Variants in TENM3 observed in about 807,000 individuals in gnomAD.
TENM3 encodes the protein teneurin-3.
In TENM3, 63 loss-of-function variants were observed where a neutral mutation model predicts 255.1. The observed-to-expected ratio is 0.25, with a 90% CI of 0.20 to 0.30. TENM3 has a LOEUF of 0.30. TENM3 is among the 10% of genes least tolerant of loss of function. The pLI is 1.00. For missense variants in TENM3, 2,929 were observed against 3,461.1 expected (o/e 0.85, Z 3.86); for synonymous variants, 1,306 against 1,322.3 (o/e 0.99, Z 0.27).
the TENM3 span, among the ~76,000 whole-genome samples, chr4:181,527,310 T>A: frequency 6.6e-6 from 1 of 152,232 alleles, no homozygotes; most frequent in Admixed American, 6.5e-5. Flanking sequence ...GAAGACATAA[T>A]GAGCTAAAAA....
chr4:181,664,572 G>A, the TENM3 span, among the ~76,000 whole-genome samples: 9 of 152,050 alleles, frequency 5.9e-5, no homozygotes, highest in Non-Finnish European at 1.2e-4. Flanking sequence ...ACGATAACCC[G>A]ACGTGTTATT....
At chr4:182,430,108 G>A (rs1771508332) in intron 3 of TENM3, among the ~76,000 whole-genome samples, 1 of 152,130 alleles carries the variant, frequency 6.6e-6, no homozygotes, top group Non-Finnish European at 1.5e-5. Context: ...GTTTGTGGTC[G>A]GGAGGATAAC....
chr4:182,743,427 T>C lies in TENM3; in HGVS notation c.3629+8T>C. 6.2e-7 allele frequency: 1 copy of C among 1,609,928 alleles called. No homozygotes were observed. The highest frequency in any genetic ancestry group is 8.5e-7 in the Non-Finnish European group (1 of 1,176,316). ...AAGTGTCTTAGAACTAAGGTACGTC[T>C]TTCCTAAATTTGGGCTTTTAACCAA... is the stretch of plus-strand genomic sequence containing the variant. On this transcript the variant is annotated splice_region_variant and intron_variant, in intron 19 of 27. Transcript: ENST00000511685.
At chr4:182,247,490 C>G (rs902775167) in intron 1 of TENM3, among the ~76,000 whole-genome samples, 9 of 152,168 alleles carry the variant, frequency 5.9e-5, no homozygotes, top group Admixed American at 2.6e-4. Flanking sequence ...CCTCATCCAT[C>G]CAAAAATGGA....
chr4:182,367,398 T>C (rs1362911200), intron 3 of TENM3, among the ~76,000 whole-genome samples: 5 of 152,112 alleles, frequency 3.3e-5, no homozygotes, highest in Non-Finnish European at 4.4e-5. Flanking sequence ...GTGGGTAGTG[T>C]CTGGCCAGTC....
the TENM3 span, among the ~76,000 whole-genome samples, chr4:181,884,768 C>T: frequency 6.6e-6 from 1 of 152,070 alleles, no homozygotes; most frequent in South Asian, 2.1e-4. Context: ...TCTAAAATAA[C>T]ATCTGCCTAT....
intron 1 of TENM3, among the ~76,000 whole-genome samples, chr4:182,279,778 C>A (rs1323664174): frequency 2.6e-5 from 4 of 152,116 alleles, no homozygotes; most frequent in African/African-American, 9.7e-5. Context: ...ATAATTTTTG[C>A]TGTAAACTCA....
At chr4:182,234,680 C>G (rs747723980) in intron 1 of TENM3, among the ~76,000 whole-genome samples, 1 of 151,718 alleles carries the variant, frequency 6.6e-6, no homozygotes, top group Non-Finnish European at 1.5e-5. Context: ...TGCAGTGAGC[C>G]GAGATTGCAC....
chr4:182,747,342 G>A (rs552824657), intron 19 of TENM3, among the ~76,000 whole-genome samples: 3 of 152,214 alleles, frequency 2.0e-5, no homozygotes, highest in Admixed American at 6.5e-5. Context: ...AGAGTGTTCT[G>A]TTATATCAAA....
chr4:182,444,337 A>C (rs942755663), intron 3 of TENM3, among the ~76,000 whole-genome samples: 6 of 152,230 alleles, frequency 3.9e-5, no homozygotes, highest in Non-Finnish European at 8.8e-5. Flanking sequence ...AATTTTATTC[A>C]CAGGATCTAA....
rs1201964018 is a variant in TENM3, at chr4:182,800,636, G to C, written c.*285G>C. 3 of 327,282 alleles carry C rather than the reference G, an allele frequency of 9.2e-6. No homozygotes were observed. Among genetic ancestry groups the C allele is most frequent in the African/African-American group, 4.4e-5 (2 of 45,870 alleles). The allele number at this position is 327,282 out of a possible 1,614,324, so 20.3% of individuals were successfully genotyped here. A position where few individuals can be genotyped will look rare whatever the true frequency, so the allele number is the denominator to read the frequency against. ...AAGGACAAAGGCCTCGACCTGTTGCGCTGGGCCGTCTGTTCCTTCTAGGCA... is the reference window on the plus strand; with the variant it reads ...AAGGACAAAGGCCTCGACCTGTTGCCCTGGGCCGTCTGTTCCTTCTAGGCA... On this transcript the variant is annotated 3_prime_UTR_variant, in exon 28 of 28. Transcript: ENST00000511685.
intron 1 of TENM3, among the ~76,000 whole-genome samples, chr4:182,238,369 C>T (rs979617194): frequency 1.3e-5 from 2 of 152,150 alleles, no homozygotes; most frequent in Admixed American, 1.3e-4. Flanking sequence ...TCTCTCTGAC[C>T]AGAACGTTTT....
intron 12 of TENM3, among the ~76,000 whole-genome samples, chr4:182,700,531 C>G (rs1036453546): frequency 1.3e-5 from 2 of 152,154 alleles, no homozygotes; most frequent in Admixed American, 6.5e-5. Flanking sequence ...CAATTTTTGT[C>G]TGTTGCTCTT....
chr4:181,756,877 T>A, the TENM3 span, among the ~76,000 whole-genome samples: 1 of 152,184 alleles, frequency 6.6e-6, no homozygotes, highest in African/African-American at 2.4e-5. Context: ...GCATTCTTTC[T>A]TTGGAAAAGT....
intron 3 of TENM3, among the ~76,000 whole-genome samples, chr4:182,369,228 T>C (rs896646136): frequency 6.6e-6 from 1 of 152,216 alleles, no homozygotes; most frequent in Non-Finnish European, 1.5e-5. Context: ...ACTCAACACT[T>C]ATTATGTTTA....
At chr4:181,964,879 T>A in the TENM3 span, among the ~76,000 whole-genome samples, 1 of 152,074 alleles carries the variant, frequency 6.6e-6, no homozygotes, top group South Asian at 2.1e-4. Context: ...TCCAGGAGTG[T>A]CTATTTGGAA....
chr4:181,535,356 C>A, the TENM3 span, among the ~76,000 whole-genome samples: 1 of 152,184 alleles, frequency 6.6e-6, no homozygotes, highest in South Asian at 2.1e-4. Flanking sequence ...GCCTGCTCCA[C>A]TCCCACCACA....
chr4:182,688,090 A>G, intron 11 of TENM3, 76 bp from the exon 12 acceptor site: 2 of 1,339,570 alleles, frequency 1.5e-6, no homozygotes, highest in Non-Finnish European at 2.0e-6. Flanking sequence ...TGTGGAAGAT[A>G]AAAGCTGCTT....
At chr4:181,451,389 T>C in the TENM3 span, among the ~76,000 whole-genome samples, 5 of 152,292 alleles carry the variant, frequency 3.3e-5, no homozygotes, top group East Asian at 9.7e-4. Context: ...TAAAGAAATT[T>C]GATCTTTCCT....
Sources: gnomAD v4.1 joint callset for allele counts (sites outside exome capture counted in the v4.1 genomes callset) on GRCh38, gnomAD v4.1.1 for gene constraint, MANE v1.5 for transcripts, NCBI Gene and HGNC (gene_info 2026-07-23, HGNC 2026-07-21) for gene names.